The following DCAF8L2 variants were observed in gnomAD, a reference collection of about 807,000 sequenced individuals.
The protein encoded by DCAF8L2 is DDB1 and CUL4 associated factor 8 like 2, also known as DDB1- and CUL4-associated factor 8-like protein 2.
For synonymous variants in DCAF8L2, 200 were observed against 190.9 expected, an observed-to-expected ratio of 1.05 and a Z score of -0.39; for missense variants, 430 against 490.7, an observed-to-expected ratio of 0.88 and a Z score of 1.17.
At position 27,747,327 on chromosome X, in the gene DCAF8L2, GGAAGAA is replaced by G. The variant is rs759521005; in HGVS notation, c.436_441del (p.Glu146_Glu147del). ...AGGAGGAGGAGGAGGAGGAGGAGGA[GGAAGAA>G]GAACAGCCTCGGGCGGGTCCACAAG... On this transcript the variant is annotated inframe_deletion, in exon 5 of 5. Transcript: ENST00000451261. 268 of 1,121,353 alleles carry G rather than the reference GGAAGAA, an allele frequency of 2.4e-4. 2 individuals carry two copies. The South Asian group carries it at 4.9e-3, about 21-fold the overall frequency. The allele number at this position is 1,121,353 out of a possible 1,213,427, so 92.4% of individuals were successfully genotyped here.
the DCAF8L2 span, among the ~76,000 whole-genome samples, chrX:27,527,024 C>G: frequency 8.9e-6 from 1 of 112,034 alleles, no homozygotes; most frequent in Non-Finnish European, 1.9e-5. Flanking sequence ...AAGCTCCATG[C>G]TAGGAGAACC....
intron 2 of DCAF8L2, among the ~76,000 whole-genome samples, chrX:27,662,542 T>G: frequency 8.9e-6 from 1 of 111,905 alleles, no homozygotes; most frequent in Non-Finnish European, 1.9e-5. Context: ...CCATTAAATA[T>G]GTTCTACAAC....
Position 27,642,064 on chromosome X carries a change from A to AT in DCAF8L2, c.-220+10074dup, listed in dbSNP as rs139720843. 7.9e-4 allele frequency among the ~76,000 whole-genome samples: 77 copies of AT among 96,923 alleles called. No individual in the cohort carries two copies. The East Asian group carries it at 9.5e-3, about 12-fold the overall frequency. 84.2% of individuals were successfully genotyped at this position (96,923 alleles called of 115,157 possible). A position where few individuals can be genotyped will look rare whatever the true frequency, so the allele number is the denominator to read the frequency against. ...CCACCATGCCGGGATAATTTTTTGT[A>AT]TTTTTTTTTTAGTAGAGAAGGGGTT... On this transcript the variant is annotated intron_variant, in intron 2 of 4. Transcript: ENST00000451261.
the DCAF8L2 span, among the ~76,000 whole-genome samples, chrX:27,506,514 G>C: frequency 9.0e-6 from 1 of 110,644 alleles, no homozygotes; most frequent in African/African-American, 3.3e-5. Context: ...CACTCTATCT[G>C]AAGCCTCTGG....
At chrX:27,595,412 A>C (rs775548651) in intron 1 of DCAF8L2, among the ~76,000 whole-genome samples, 15 of 111,190 alleles carry the variant, frequency 1.3e-4, no homozygotes, top group African/African-American at 4.2e-4. Context: ...TCAGACTCTA[A>C]ATTTTGGAAT....
chrX:27,589,615 A>G (rs750803876), upstream of DCAF8L2, among the ~76,000 whole-genome samples: 10 of 112,193 alleles, frequency 8.9e-5, no homozygotes, highest in Non-Finnish European at 1.5e-4. Flanking sequence ...ATGTCTAGAA[A>G]CATTTTATTT....
chrX:27,731,130 C>T (rs1308389873), intron 4 of DCAF8L2, among the ~76,000 whole-genome samples: 3 of 110,886 alleles, frequency 2.7e-5, no homozygotes, highest in Non-Finnish European at 5.7e-5. Context: ...CACCTGTAGG[C>T]CCAGCACATT....
At chrX:27,505,574 G>T in the DCAF8L2 span, among the ~76,000 whole-genome samples, 114 of 111,293 alleles carry the variant, frequency 1.0e-3, 1 homozygote, top group South Asian at 0.038. Flanking sequence ...CAATAGTATG[G>T]TAGGTTTGGC....
chrX:27,649,418 T>C (rs1416856185), intron 2 of DCAF8L2, among the ~76,000 whole-genome samples: 1 of 112,329 alleles, frequency 8.9e-6, no homozygotes, highest in Non-Finnish European at 1.9e-5. Flanking sequence ...TAATTTGCAT[T>C]CCCATCAACA....
chrX:27,680,596 T>C (rs1930289770), intron 3 of DCAF8L2, among the ~76,000 whole-genome samples: 1 of 110,956 alleles, frequency 9.0e-6, no homozygotes, highest in East Asian at 2.8e-4. Context: ...CTTTCTCTAT[T>C]TTTTTTTGTT....
At chrX:27,518,376 G>C in the DCAF8L2 span, 1 of 805,870 alleles carries the variant, frequency 1.2e-6, no homozygotes, top group Non-Finnish European at 1.9e-6. Context: ...GCTAAGGGAG[G>C]ATTCTATGAT....
At chrX:27,528,476 G>GTATATATATA in the DCAF8L2 span, among the ~76,000 whole-genome samples, 1,320 of 83,353 alleles carry the variant, frequency 0.016, 17 homozygotes, top group Middle Eastern at 0.035. Flanking sequence ...ATGTGTATGT[G>GTATATATATA]TATATATATA....
At chrX:27,568,998 G>C in the DCAF8L2 span, among the ~76,000 whole-genome samples, 1 of 99,631 alleles carries the variant, frequency 1.0e-5, no homozygotes, top group African/African-American at 3.9e-5. Flanking sequence ...CACACACACA[G>C]AGTTAATTTT....
At chrX:27,591,272 C>A (rs953765666) in intron 1 of DCAF8L2, among the ~76,000 whole-genome samples, 1 of 110,253 alleles carries the variant, frequency 9.1e-6, no homozygotes, top group Admixed American at 9.8e-5. Context: ...TAGTATCCAG[C>A]AGGCTACAGA....
intron 3 of DCAF8L2, among the ~76,000 whole-genome samples, chrX:27,714,259 C>T (rs975542984): frequency 1.8e-5 from 2 of 111,644 alleles, no homozygotes; most frequent in Admixed American, 1.9e-4. Flanking sequence ...ACTAATTCTG[C>T]TTCTCATTCA....
At chrX:27,496,542 T>G in the DCAF8L2 span, among the ~76,000 whole-genome samples, 1 of 111,835 alleles carries the variant, frequency 8.9e-6, no homozygotes, top group African/African-American at 3.3e-5. Flanking sequence ...TGCATGTGTT[T>G]GAGGATCATT....
the DCAF8L2 span, among the ~76,000 whole-genome samples, chrX:27,473,003 C>G: frequency 1.2e-4 from 13 of 111,409 alleles, no homozygotes; most frequent in South Asian, 4.9e-3. Flanking sequence ...TTTTTTCTTT[C>G]TAGATTTTTC....
chrX:27,487,311 T>A, the DCAF8L2 span, among the ~76,000 whole-genome samples: 1 of 111,656 alleles, frequency 9.0e-6, no homozygotes, highest in Non-Finnish European at 1.9e-5. Context: ...AGACGGAGTC[T>A]TGCTCCGTCA....
chrX:27,654,032 G>C (rs1310577095), intron 2 of DCAF8L2, among the ~76,000 whole-genome samples: 2 of 111,029 alleles, frequency 1.8e-5, no homozygotes, highest in Admixed American at 9.7e-5. Flanking sequence ...CTTAAAGCTT[G>C]GTGTGACCAT....
Sources: gnomAD v4.1 joint callset for allele counts (sites outside exome capture counted in the v4.1 genomes callset) on GRCh38, gnomAD v4.1.1 for gene constraint, MANE v1.5 for transcripts, NCBI Gene and HGNC (gene_info 2026-07-23, HGNC 2026-07-21) for gene names.